The following PODN variants were observed in gnomAD, a reference collection of about 807,000 sequenced individuals.
PODN encodes the protein podocan, also known as podocan proteoglycan.
PODN carries 40 observed loss-of-function variants against 52.7 expected under a neutral mutation model. That is an observed-to-expected ratio of 0.76 (90% CI 0.59 to 0.99). The LOEUF is 0.99. Ranked by LOEUF, PODN falls within the 50% of genes least tolerant of loss-of-function variation. The pLI, the probability that PODN is intolerant of heterozygous loss-of-function variation, is 0.00. For synonymous variants in PODN, 396 were observed against 377.9 expected (o/e 1.05, Z -0.56); for missense variants, 720 against 815.1 (o/e 0.88, Z 1.42).
chr1:53,072,093 T>C (rs995166802), intron 3 of PODN, among the ~76,000 whole-genome samples: 1 of 148,030 alleles, frequency 6.8e-6, no homozygotes, highest in Non-Finnish European at 1.5e-5. Context: ...AAATAAAAAA[T>C]AAAATAATAT....
At chr1:53,074,507 A>G in intron 3 of PODN, 99 bp from the exon 4 acceptor site, 1 of 1,281,492 alleles carries the variant, frequency 7.8e-7, no homozygotes, top group Middle Eastern at 2.0e-4. Flanking sequence ...CTGCCTCCCT[A>G]GTCCTGGCAG....
In PODN at chr1:53,078,546, C is replaced by T. The variant is rs781706326; in HGVS notation, c.1036C>T (p.Arg346Trp). ...CCTGCTGCTGCACAGCAACCAGCTGCGGGAGCAGGGCATCCACCCACTGGC... is the reference window on the plus strand; with the variant it reads ...CCTGCTGCTGCACAGCAACCAGCTGTGGGAGCAGGGCATCCACCCACTGGC... The part of the protein sequence containing the change: ...EYLLLHSNQL[R>W]EQGIHPLAFQ... The change falls in exon 8 of 11, where the codon CGG becomes TGG. Residue 346 changes from arginine to tryptophan, a missense_variant. Coordinates refer to ENST00000312553, the MANE Select transcript of PODN (RefSeq NM_153703.5). 11 of 1,613,040 alleles carry T rather than the reference C, an allele frequency of 6.8e-6. No individual in the cohort carries two copies. Among genetic ancestry groups the T allele is most frequent in the South Asian group, 3.3e-5 (3 of 91,096 alleles).
chr1:53,067,343 C>T (rs1386607176), intron 1 of PODN, among the ~76,000 whole-genome samples: 2 of 152,020 alleles, frequency 1.3e-5, no homozygotes, highest in Non-Finnish European at 2.9e-5. Flanking sequence ...TTACGCTGCC[C>T]CCTCACCCCC....
intron 2 of PODN, 87 bp from the exon 3 acceptor site, chr1:53,071,437 GGACTGGATTCT>G (rs1266690479): frequency 7.8e-6 from 8 of 1,027,828 alleles, no homozygotes; most frequent in Non-Finnish European, 1.1e-5. Context: ...CCCAGCAGGT[GGACTGGATTCT>G]AGGACTGGAG....
At position 53,066,811 on chromosome 1, in the gene PODN, G is replaced by T. The variant is rs984873154; in HGVS notation, c.-55-2990G>T. On this transcript the variant is annotated intron_variant, in intron 1 of 10. Transcript: ENST00000312553. ...TAAATTCAATATTTTTATTGATGCAGTTTACAGATTTTTACAGATACCAAA... is the reference window on the plus strand; with the variant it reads ...TAAATTCAATATTTTTATTGATGCATTTTACAGATTTTTACAGATACCAAA... 5.8e-6 allele frequency: 9 copies of T among 1,546,736 alleles called. No individual in the cohort carries two copies. In the African/African-American group the frequency reaches 1.1e-4, roughly 19 times the overall value.
chr1:53,082,460 A>G (rs944435976), intron 10 of PODN, among the ~76,000 whole-genome samples: 2 of 152,180 alleles, frequency 1.3e-5, no homozygotes, highest in Non-Finnish European at 2.9e-5. Flanking sequence ...GTCGGGGCTC[A>G]GGAGTGAGGT....
chr1:53,063,177 C>A (rs942995389), intron 1 of PODN, among the ~76,000 whole-genome samples: 4 of 152,154 alleles, frequency 2.6e-5, no homozygotes, highest in African/African-American at 9.7e-5. Flanking sequence ...AGGCTCCTGG[C>A]AGCCTCGGGG....
At chr1:53,069,775 C>A in intron 1 of PODN, 26 bp from the exon 2 acceptor site, 1 of 1,555,408 alleles carries the variant, frequency 6.4e-7, no homozygotes, top group Non-Finnish European at 8.7e-7. Context: ...TTCGAGGGCC[C>A]CAGCTGTGTC....
At chr1:53,066,237 T>A (rs1228506457) in intron 1 of PODN, among the ~76,000 whole-genome samples, 1 of 152,082 alleles carries the variant, frequency 6.6e-6, no homozygotes, top group Non-Finnish European at 1.5e-5. Flanking sequence ...GCTCAAGTGA[T>A]CTACCTGTCT....
At chr1:53,074,805 G>A (rs948542577) in intron 4 of PODN, 135 bp downstream of exon 4, 1 of 634,938 alleles carries the variant, frequency 1.6e-6, no homozygotes, top group Non-Finnish European at 2.7e-6. Context: ...CATGGCCCTG[G>A]GTCGGGGGTG....
Position 53,078,479 on chromosome 1 carries a change from C to G in PODN, c.969C>G (p.Ser323Arg), listed in dbSNP as rs183323876. ...LLHLEKNAIR[S>R]VDANVLTPIR... is the part of the protein sequence containing the mutation. The stretch of plus-strand genomic sequence containing the variant: ...ACTTGGAGAAGAACGCCATCCGGAG[C>G]GTGGACGCGAATGTGCTGACCCCCA... Residue 323 changes from serine (S) to arginine (R), a missense_variant, in exon 8 of 11, where the codon AGC (serine) becomes AGG (arginine). Coordinates refer to ENST00000312553, the MANE Select transcript of PODN (RefSeq NM_153703.5). The G allele has an allele frequency of 3.1e-6, 5 of 1,613,424 alleles. No homozygotes were observed. Among genetic ancestry groups the G allele is most frequent in the Non-Finnish European group, 4.2e-6 (5 of 1,180,038 alleles).
At chr1:53,080,450 A>G (rs898031175) in intron 8 of PODN, among the ~76,000 whole-genome samples, 2 of 152,222 alleles carry the variant, frequency 1.3e-5, no homozygotes, top group Non-Finnish European at 2.9e-5. Flanking sequence ...GGGAAGGCAC[A>G]AGAAGCTGGG....
At chr1:53,074,346 C>T (rs1228684548) in intron 3 of PODN, among the ~76,000 whole-genome samples, 1 of 152,230 alleles carries the variant, frequency 6.6e-6, no homozygotes, top group African/African-American at 2.4e-5. Flanking sequence ...GCTGGCCTGA[C>T]CTCTCAGGGG....
At chr1:53,063,978 C>G (rs1358074666) in intron 1 of PODN, among the ~76,000 whole-genome samples, 1 of 152,162 alleles carries the variant, frequency 6.6e-6, no homozygotes, top group South Asian at 2.1e-4. Flanking sequence ...TCACACTCTA[C>G]CTCTGCCTGG....
Position 53,080,604 on chromosome 1 carries a change from C to A in PODN, c.1513-124C>A, listed in dbSNP as rs898636724. The A allele has an allele frequency of 3.8e-5, 38 of 1,003,768 alleles. 1 individual carries two copies. The South Asian group carries it at 5.3e-4, about 14-fold the overall frequency. The allele number at this position is 1,003,768 out of a possible 1,614,324, so 62.2% of individuals were successfully genotyped here. ...TGGGAAGTGGGGATAATTATAGACA[C>A]CCCCCCTCCTCCACACAGGGTTATT... On this transcript the variant is annotated intron_variant, in intron 8 of 10. Transcript: ENST00000312553.
At chr1:53,077,124 C>A in intron 5 of PODN, 66 bp from the exon 6 acceptor site, 1 of 1,576,380 alleles carries the variant, frequency 6.3e-7, no homozygotes. Context: ...TTTAGAGGCT[C>A]ACCAGTTGAG....
chr1:53,083,217 A>C (rs975945616), intron 10 of PODN, among the ~76,000 whole-genome samples: 1 of 152,118 alleles, frequency 6.6e-6, no homozygotes, highest in African/African-American at 2.4e-5. Flanking sequence ...GAGAGGGCAG[A>C]GGTGGGAATG....
intron 8 of PODN, among the ~76,000 whole-genome samples, chr1:53,080,328 C>G (rs777566938): frequency 9.2e-5 from 14 of 152,248 alleles, no homozygotes; most frequent in Non-Finnish European, 1.9e-4. Flanking sequence ...TCTGGGGGAT[C>G]CCTGGGCTCT....
rs1038558579 is a variant in PODN, at chr1:53,080,568, A to G, written c.1513-160A>G. Reference sequence around the variant, plus strand: ...GATCACTTAACCTCTCTGAGCCTCTATTTCCCAATCTGGGAAGTGGGGATA... The same window carrying G: ...GATCACTTAACCTCTCTGAGCCTCTGTTTCCCAATCTGGGAAGTGGGGATA... On this transcript the variant is annotated intron_variant, in intron 8 of 10. Coordinates refer to ENST00000312553, the MANE Select transcript of PODN (RefSeq NM_153703.5). The G allele has an allele frequency of 4.1e-6, 3 of 740,644 alleles. No homozygotes were observed. The Admixed American group carries it at 9.0e-5, about 22-fold the overall frequency. 45.9% of individuals were successfully genotyped at this position (740,644 alleles called of 1,614,324 possible). A position where few individuals can be genotyped will look rare whatever the true frequency, so the allele number is the denominator to read the frequency against.
Sources: allele counts gnomAD v4.1 joint callset (sites outside exome capture counted in the v4.1 genomes callset), GRCh38; gene constraint gnomAD v4.1.1; transcripts MANE v1.5; gene names NCBI Gene and HGNC (gene_info 2026-07-23, HGNC 2026-07-21).